The following VPS53 variants were observed in gnomAD, a reference collection of about 807,000 sequenced individuals.
The protein encoded by VPS53 is VPS53 subunit of GARP complex, also known as vacuolar protein sorting-associated protein 53 homolog.
VPS53 carries 70 observed loss-of-function variants against 107.0 expected under a neutral mutation model. The observed-to-expected ratio is 0.65, with a 90% CI of 0.54 to 0.80. The LOEUF (loss-of-function observed/expected upper bound fraction) is 0.80, where lower values mean the gene tolerates loss of function less well. VPS53 is among the 30% of genes least tolerant of loss of function. VPS53 has a pLI of 0.00. For missense variants in VPS53, 917 were observed against 1,049.4 expected (o/e 0.87, Z 1.74); for synonymous variants, 409 against 393.3 (o/e 1.04, Z -0.47).
rs1908067737 is a variant in VPS53 at position 513,347 on chromosome 17, T to C, written c.*5781A>G. On this transcript the variant is annotated 3_prime_UTR_variant, in exon 22 of 22. Coordinates refer to ENST00000437048, the MANE Select transcript of VPS53 (RefSeq NM_001128159.3). ...AAGCAATCCCTTTATTTTAAGGAAA[T>C]TTATATCTCCCAAAGGTGTAGAACT... 1 of 152,180 alleles carries C rather than the reference T, an allele frequency of 6.6e-6. No individual in the cohort carries two copies. The highest frequency in any genetic ancestry group is 2.4e-5 in the African/African-American group (1 of 41,432). The allele number at this position is 152,180 out of a possible 1,614,324, so 9.4% of individuals were successfully genotyped here. A position where few individuals can be genotyped will look rare whatever the true frequency, so the allele number is the denominator to read the frequency against.
chr17:655,754 C>G, intron 6 of VPS53, 84 bp downstream of exon 6: 1 of 1,274,954 alleles, frequency 7.8e-7, no homozygotes, highest in Non-Finnish European at 1.1e-6. Flanking sequence ...ACTTTCCTGG[C>G]TGAGAAGTAA....
chr17:654,755 G>C (rs989451498), intron 6 of VPS53, among the ~76,000 whole-genome samples: 31 of 134,900 alleles, frequency 2.3e-4, no homozygotes, highest in Non-Finnish European at 7.8e-5. Context: ...AAAAAAAAAA[G>C]AAAAAAGAAA....
intron 11 of VPS53, among the ~76,000 whole-genome samples, chr17:620,999 A>G (rs541299949): frequency 6.6e-6 from 1 of 152,336 alleles, no homozygotes; most frequent in African/African-American, 2.4e-5. Flanking sequence ...TAACTTTGTT[A>G]AAGTACACAC....
At chr17:654,389 G>A (rs1971087924) in intron 6 of VPS53, among the ~76,000 whole-genome samples, 1 of 152,072 alleles carries the variant, frequency 6.6e-6, no homozygotes, top group Non-Finnish European at 1.5e-5. Context: ...TTTTTCATTA[G>A]GGTTGGGTTA....
At chr17:654,970 C>T (rs1020514782) in intron 6 of VPS53, among the ~76,000 whole-genome samples, 4 of 152,180 alleles carry the variant, frequency 2.6e-5, no homozygotes, top group African/African-American at 9.6e-5. Context: ...GTGGACCAGG[C>T]ATCCCTGGAG....
Position 537,182 on chromosome 17 carries a change from A to G in VPS53, c.1867-6T>C, listed in dbSNP as rs772416670. The G allele has an allele frequency of 1.3e-5, 21 of 1,613,844 alleles. No homozygotes were observed. In the African/African-American group the frequency reaches 2.8e-4, roughly 22 times the overall value. ...TCCACGTTCTGCCACTGCATCTGAA[A>G]GGGAGAAAGGATGAGGCGTTGAATC... On this transcript the variant is annotated splice_region_variant and splice_polypyrimidine_tract_variant and intron_variant, in intron 17 of 21. Transcript: ENST00000437048.
chr17:631,717 T>C (rs1194698860), intron 7 of VPS53, 89 bp from the exon 8 acceptor site: 3 of 1,249,664 alleles, frequency 2.4e-6, no homozygotes, highest in Non-Finnish European at 3.4e-6. Context: ...GCTGAAGTCT[T>C]TCGAGAAAGG....
chr17:590,362 C>G (rs1423008133), intron 12 of VPS53, among the ~76,000 whole-genome samples: 1 of 152,048 alleles, frequency 6.6e-6, no homozygotes, highest in Non-Finnish European at 1.5e-5. Flanking sequence ...AACTGAATAC[C>G]CTTTATTTCC....
intron 2 of VPS53, among the ~76,000 whole-genome samples, chr17:708,563 G>C (rs1349118140): frequency 1.3e-5 from 2 of 152,268 alleles, no homozygotes; most frequent in South Asian, 2.1e-4. Context: ...CTGTGGGCAG[G>C]CCTGGGGAAT....
chr17:636,939 G>C (rs1597414093), intron 7 of VPS53, among the ~76,000 whole-genome samples: 3 of 152,186 alleles, frequency 2.0e-5, no homozygotes, highest in Admixed American at 6.5e-5. Context: ...CATAAAATGA[G>C]TTAGGGAGGA....
chr17:709,869 G>A (rs533115759), intron 2 of VPS53, among the ~76,000 whole-genome samples: 26 of 152,240 alleles, frequency 1.7e-4, no homozygotes, highest in South Asian at 6.2e-4. Context: ...TCTTGAGGCC[G>A]GGCGCAGTGG....
At position 627,506 on chromosome 17, in the gene VPS53, A is replaced by G. The variant is rs145532567; in HGVS notation, c.832-190T>C. ...AATTCAGAGGTTTTTGGCTGGGCGC[A>G]GTGGCTCATGCCTATAATCCCAGCA... On this transcript the variant is annotated intron_variant, in intron 9 of 21. Coordinates refer to ENST00000437048, the MANE Select transcript of VPS53 (RefSeq NM_001128159.3). Among the ~76,000 whole-genome samples the G allele has an allele frequency of 2.2e-3, 341 of 152,300 alleles. 1 individual carries two copies. The highest frequency in any genetic ancestry group is 7.8e-3 in the African/African-American group (326 of 41,576).
intron 4 of VPS53, among the ~76,000 whole-genome samples, chr17:678,732 G>A (rs1016555270): frequency 2.0e-5 from 3 of 151,772 alleles, no homozygotes; most frequent in Non-Finnish European, 4.4e-5. Context: ...TCCACCCCCC[G>A]GGTTCACGCC....
At position 532,892 on chromosome 17, in the gene VPS53, T is replaced by C; in HGVS notation, c.2035A>G (p.Ile679Val). Reference sequence around the variant, plus strand: ...GGCTTGCACTTGAAGAGGTGGGTGATGAATTTGGGAATGAAGGAGCTGTGG... The same window carrying C: ...GGCTTGCACTTGAAGAGGTGGGTGACGAATTTGGGAATGAAGGAGCTGTGG... ...KFANSFIPKFITHLFKCKPIS... is the reference protein window; with the variant it reads ...KFANSFIPKFVTHLFKCKPIS... Residue 679 changes from isoleucine (I) to valine (V), a missense_variant, in exon 19 of 22, where the codon ATC (isoleucine) becomes GTC (valine). Physicochemically the swap from Ile to Val is conservative, Grantham distance 29. Transcript: ENST00000437048. 1.9e-6 allele frequency: 3 copies of C among 1,613,976 alleles called. No individual in the cohort carries two copies. The highest frequency in any genetic ancestry group is 2.5e-6 in the Non-Finnish European group (3 of 1,179,922).
intron 17 of VPS53, among the ~76,000 whole-genome samples, chr17:550,041 C>T (rs1911677085): frequency 6.6e-6 from 1 of 152,198 alleles, no homozygotes; most frequent in Non-Finnish European, 1.5e-5. Flanking sequence ...TTCCTCCTGA[C>T]AAGAGGGAGA....
chr17:511,100 G>A lies in VPS53; in HGVS notation c.*8028C>T, dbSNP rs1271579131. 1.3e-5 allele frequency: 2 copies of A among 152,250 alleles called. No individual in the cohort carries two copies. The highest frequency in any genetic ancestry group is 2.9e-5 in the Non-Finnish European group (2 of 68,054). 9.4% of individuals were successfully genotyped at this position (152,250 alleles called of 1,614,324 possible). A position where few individuals can be genotyped will look rare whatever the true frequency, so the allele number is the denominator to read the frequency against. On this transcript the variant is annotated 3_prime_UTR_variant, in exon 22 of 22. Transcript: ENST00000437048. ...CAGATGTTTTCTTTATATAGCATTT[G>A]ATATGTATTCCATTTGCCTTCTAAA...
intron 15 of VPS53, among the ~76,000 whole-genome samples, chr17:559,599 C>CACA (rs1404115801): frequency 6.6e-6 from 1 of 152,246 alleles, no homozygotes; most frequent in Non-Finnish European, 1.5e-5. Context: ...CCTTGGTAGA[C>CACA]ACACTTCCTA....
chr17:627,328 G>A lies in VPS53; in HGVS notation c.832-12C>T, dbSNP rs766340757. The stretch of plus-strand genomic sequence containing the variant: ...TCCAGCCAGGCAACCTGGTGAAGGT[G>A]GAGATCAAAAGCCACCCCAGTGGTT... On this transcript the variant is annotated splice_polypyrimidine_tract_variant and intron_variant, in intron 9 of 21. Transcript: ENST00000437048. The A allele has an allele frequency of 8.7e-6, 14 of 1,610,918 alleles. No homozygotes were observed. Among genetic ancestry groups the A allele is most frequent in the African/African-American group, 1.3e-5 (1 of 74,776 alleles).
intron 4 of VPS53, among the ~76,000 whole-genome samples, chr17:666,008 CA>C (rs939935596): frequency 6.7e-6 from 1 of 148,806 alleles, no homozygotes; most frequent in East Asian, 2.0e-4. Flanking sequence ...CTGTCCCGAC[CA>C]AAAAAAAAGA....
Sources: gnomAD v4.1 joint callset for allele counts (sites outside exome capture counted in the v4.1 genomes callset) on GRCh38, gnomAD v4.1.1 for gene constraint, MANE v1.5 for transcripts, NCBI Gene and HGNC (gene_info 2026-07-23, HGNC 2026-07-21) for gene names.